The following IRF2 variants were observed in gnomAD, a reference collection of about 807,000 sequenced individuals.
IRF2 encodes interferon regulatory factor 2.
IRF2 carries 15 observed loss-of-function variants against 40.6 expected under a neutral mutation model. The observed-to-expected ratio is 0.37, with a 90% CI of 0.25 to 0.57. IRF2 has a LOEUF of 0.57. Among genes scored for constraint, IRF2 ranks in the 20% least tolerant of loss-of-function variants. The pLI is 0.77. For missense variants in IRF2, 317 were observed against 455.7 expected, an observed-to-expected ratio of 0.70 and a Z score of 2.77; for synonymous variants, 151 against 165.5, an observed-to-expected ratio of 0.91 and a Z score of 0.67.
chr4:184,457,620 A>T (rs981346679), intron 1 of IRF2, among the ~76,000 whole-genome samples: 1 of 152,082 alleles, frequency 6.6e-6, no homozygotes, highest in African/African-American at 2.4e-5. Flanking sequence ...CCTATTCATC[A>T]TTTCCTCTTA....
intron 1 of IRF2, among the ~76,000 whole-genome samples, chr4:184,442,446 G>A (rs1326880519): frequency 6.6e-6 from 1 of 152,160 alleles, no homozygotes; most frequent in Non-Finnish European, 1.5e-5. Context: ...AGGGCCACCT[G>A]GGTGCTTCCA....
intron 1 of IRF2, among the ~76,000 whole-genome samples, chr4:184,437,129 C>T (rs1425770295): frequency 6.6e-6 from 1 of 152,204 alleles, no homozygotes; most frequent in Non-Finnish European, 1.5e-5. Flanking sequence ...AATCTTGGCT[C>T]ACTGCAACCT....
chr4:184,456,194 C>T (rs951728978), intron 1 of IRF2, among the ~76,000 whole-genome samples: 8 of 152,150 alleles, frequency 5.3e-5, no homozygotes, highest in Non-Finnish European at 1.2e-4. Flanking sequence ...ATTCGCCTCA[C>T]AAAAATGTGA....
At chr4:184,417,767 T>C (rs2288247) in intron 5 of IRF2, among the ~76,000 whole-genome samples, 53,922 of 152,176 alleles carry the variant, frequency 0.35, 11,563 homozygotes, top group Non-Finnish European at 0.49. Flanking sequence ...GTTCATACAT[T>C]GTATAGAGGT....
In IRF2 at chr4:184,390,818, G is replaced by A. The variant is rs1185373690; in HGVS notation, c.695-69C>T. ...CAAGCTGTCCCCAGGCTCAGGCAGT[G>A]TTTATAAAAAGGAGACTGAGTAACT... On this transcript the variant is annotated intron_variant, in intron 7 of 8. Transcript: ENST00000393593. 4 of 1,561,950 alleles carry A rather than the reference G, an allele frequency of 2.6e-6. No individual in the cohort carries two copies. In the South Asian group the frequency reaches 4.5e-5, roughly 17 times the overall value.
At chr4:184,432,314 T>G (rs1737915312) in intron 1 of IRF2, among the ~76,000 whole-genome samples, 1 of 152,382 alleles carries the variant, frequency 6.6e-6, no homozygotes, top group Admixed American at 6.5e-5. Flanking sequence ...GGCCACACTC[T>G]GCCTTCCCGC....
chr4:184,398,287 C>A (rs181822387), intron 7 of IRF2, among the ~76,000 whole-genome samples: 144 of 152,294 alleles, frequency 9.5e-4, no homozygotes, highest in Admixed American at 4.9e-3. Flanking sequence ...TGCCAAATTT[C>A]TAATAACTTG....
intron 8 of IRF2, among the ~76,000 whole-genome samples, chr4:184,389,454 A>C (rs988131166): frequency 6.6e-6 from 1 of 152,110 alleles, no homozygotes; most frequent in African/African-American, 2.4e-5. Context: ...TAAAATGAAA[A>C]ATGTGTCGTT....
chr4:184,397,591 C>T (rs1251827700), intron 7 of IRF2, among the ~76,000 whole-genome samples: 1 of 151,828 alleles, frequency 6.6e-6, no homozygotes, highest in Non-Finnish European at 1.5e-5. Flanking sequence ...GCTGATAATT[C>T]ACAAACAACA....
chr4:184,421,718 T>C (rs947828412), intron 2 of IRF2, among the ~76,000 whole-genome samples: 2 of 152,026 alleles, frequency 1.3e-5, no homozygotes, highest in African/African-American at 4.8e-5. Context: ...TCTGCACGCA[T>C]GCATGCATAC....
At chr4:184,442,311 C>T (rs137925690) in intron 1 of IRF2, among the ~76,000 whole-genome samples, 41 of 152,304 alleles carry the variant, frequency 2.7e-4, no homozygotes, top group Middle Eastern at 3.4e-3. Context: ...CTCTCTCCAC[C>T]CCTTCACCTC....
chr4:184,398,261 A>G (rs1736536960), intron 7 of IRF2, among the ~76,000 whole-genome samples: 1 of 152,200 alleles, frequency 6.6e-6, no homozygotes. Flanking sequence ...CAAACTGAGA[A>G]TCCATTAAAA....
intron 7 of IRF2, among the ~76,000 whole-genome samples, chr4:184,398,226 T>C (rs759493571): frequency 1.2e-4 from 18 of 152,080 alleles, no homozygotes; most frequent in Non-Finnish European, 2.2e-4. Context: ...GAAGAGATCA[T>C]CTCTAAGGTC....
chr4:184,461,337 C>CA (rs1488284264), intron 1 of IRF2, among the ~76,000 whole-genome samples: 3 of 152,096 alleles, frequency 2.0e-5, no homozygotes, highest in Admixed American at 1.3e-4. Context: ...ATACACTTGG[C>CA]AAAAAAATCT....
At chr4:184,461,440 C>T (rs1739140976) in intron 1 of IRF2, among the ~76,000 whole-genome samples, 1 of 152,198 alleles carries the variant, frequency 6.6e-6, no homozygotes, top group South Asian at 2.1e-4. Context: ...TAAGTAAAAT[C>T]GTTTCTGGAA....
intron 1 of IRF2, among the ~76,000 whole-genome samples, chr4:184,439,870 C>T (rs1453925763): frequency 1.3e-5 from 2 of 152,184 alleles, no homozygotes; most frequent in Non-Finnish European, 2.9e-5. Context: ...ACCTGTCTAT[C>T]ACTGGTTCTT....
intron 1 of IRF2, 145 bp from the exon 2 acceptor site, chr4:184,429,215 G>A: frequency 1.5e-6 from 1 of 664,700 alleles, no homozygotes; most frequent in Non-Finnish European, 2.7e-6. Flanking sequence ...TGTACTCAGG[G>A]GCTGTGCCAC....
chr4:184,399,322 G>A (rs956359057), intron 6 of IRF2, among the ~76,000 whole-genome samples: 24 of 152,288 alleles, frequency 1.6e-4, no homozygotes, highest in Admixed American at 1.2e-3. Context: ...TGGCACGCAC[G>A]GTGGCCATGT....
At chr4:184,410,899 T>A (rs1441998114) in intron 5 of IRF2, among the ~76,000 whole-genome samples, 2 of 152,176 alleles carry the variant, frequency 1.3e-5, no homozygotes, top group African/African-American at 4.8e-5. Context: ...AAGATCACGC[T>A]ACTTTTAGCC....
Sources: gnomAD v4.1 joint callset for allele counts (sites outside exome capture counted in the v4.1 genomes callset) on GRCh38, gnomAD v4.1.1 for gene constraint, MANE v1.5 for transcripts, NCBI Gene and HGNC (gene_info 2026-07-23, HGNC 2026-07-21) for gene names.